The following WDR33 variants were observed in gnomAD, a reference collection of about 807,000 sequenced individuals.
The protein encoded by WDR33 is WD repeat domain 33.
Under a neutral mutation model 164.9 loss-of-function variants are expected in WDR33, and 47 were observed. The ratio of observed to expected loss-of-function variants is 0.29; its 90% CI spans 0.23 to 0.36. The LOEUF is 0.36. WDR33 is among the 10% of genes least tolerant of loss of function. The pLI, the probability that WDR33 is intolerant of heterozygous loss-of-function variation, is 1.00. For missense variants in WDR33, 1,137 were observed against 1,754.1 expected (o/e 0.65, Z 6.28); for synonymous variants, 505 against 589.0 (o/e 0.86, Z 2.06).
In WDR33 at chr2:127,716,087, A is replaced by G. The variant is rs1686294484; in HGVS notation, c.2869+1068T>C. On this transcript the variant is annotated intron_variant, in intron 17 of 21. Coordinates refer to ENST00000322313, the MANE Select transcript of WDR33 (RefSeq NM_018383.5). The surrounding 1 kb of genome is among the most constrained non-coding windows in gnomAD (Gnocchi z 4.5). The stretch of plus-strand genomic sequence containing the variant: ...TAAAAGACTCTCCTTTTGTTTCTCT[A>G]GTTCGCTGTGGGCCACGTTCCTTCT... Among the ~76,000 whole-genome samples, 2 of 152,176 alleles carry G rather than the reference A, an allele frequency of 1.3e-5. No individual in the cohort carries two copies. Among genetic ancestry groups the G allele is most frequent in the Admixed American group, 6.5e-5 (1 of 15,274 alleles).
chr2:127,740,159 A>G (rs1686970617), intron 7 of WDR33, among the ~76,000 whole-genome samples: 1 of 152,200 alleles, frequency 6.6e-6, no homozygotes, highest in Non-Finnish European at 1.5e-5. Flanking sequence ...AACACTGAGA[A>G]GATGATACCA....
At chr2:127,731,033 C>G (rs962786762) in intron 7 of WDR33, among the ~76,000 whole-genome samples, 1 of 151,820 alleles carries the variant, frequency 6.6e-6, no homozygotes, top group African/African-American at 2.4e-5. Context: ...GTGGCGCATG[C>G]CTGTAATCCC....
chr2:127,709,517 C>G lies in WDR33; in HGVS notation c.3538G>C (p.Asp1180His). 6.2e-7 allele frequency: 1 copy of G among 1,614,152 alleles called. No individual in the cohort carries two copies. The highest frequency in any genetic ancestry group is 1.1e-5 in the South Asian group (1 of 91,088). ...GGCTCTCTGTTTCCATCCCAGGAATCTGGCTTCCGCCCTCCTTCAAAGCGA... is the reference window on the plus strand; with the variant it reads ...GGCTCTCTGTTTCCATCCCAGGAATGTGGCTTCCGCCCTCCTTCAAAGCGA... ...FPRFEGGRKP[D>H]SWDGNREPGP... is the part of the protein sequence containing the mutation. The change falls in exon 20 of 22, where the codon GAT (aspartate) becomes CAT (histidine). Residue 1180 changes from aspartate (D) to histidine (H), a missense_variant. Around this residue, in one of 9 missense-constraint regions of WDR33, gnomAD observed 867 missense variants for 1,073.0 expected, o/e 0.81. Transcript: ENST00000322313. The surrounding 1 kb of genome is among the most constrained non-coding windows in gnomAD (Gnocchi z 5.0).
intron 7 of WDR33, among the ~76,000 whole-genome samples, chr2:127,753,196 G>C (rs1687422715): frequency 6.6e-6 from 1 of 152,128 alleles, no homozygotes; most frequent in Non-Finnish European, 1.5e-5. Context: ...CAAAGTGCTG[G>C]GATTACAGGC....
At position 127,722,782 on chromosome 2, in the gene WDR33, C is replaced by T. The variant is rs760085604; in HGVS notation, c.1379-52G>A. ...CCTCTTAAATAAAAGAAATTGGCCA[C>T]TTGATCAATGAACACATTATTGGAA... On this transcript the variant is annotated intron_variant, in intron 13 of 21. Coordinates refer to ENST00000322313, the MANE Select transcript of WDR33 (RefSeq NM_018383.5). The surrounding 1 kb of genome is among the most constrained non-coding windows in gnomAD (Gnocchi z 5.1). The T allele has an allele frequency of 6.3e-6, 10 of 1,584,414 alleles. No homozygotes were observed. The highest frequency in any genetic ancestry group is 2.2e-5 in the East Asian group (1 of 44,612).
chr2:127,788,005 G>A (rs1315572454), intron 1 of WDR33, among the ~76,000 whole-genome samples: 1 of 77,386 alleles, frequency 1.3e-5, no homozygotes, highest in Non-Finnish European at 2.4e-5. Context: ...CGGGTTGGCT[G>A]GCCGGGCGGG....
intron 7 of WDR33, among the ~76,000 whole-genome samples, chr2:127,749,859 G>A (rs920798643): frequency 1.8e-4 from 26 of 147,246 alleles, no homozygotes; most frequent in African/African-American, 5.5e-4. Flanking sequence ...TTTTTGAGAC[G>A]GAGTCTCACT....
chr2:127,736,705 C>A (rs530831304), intron 7 of WDR33: 98 of 985,264 alleles, frequency 9.9e-5, no homozygotes, highest in Non-Finnish European at 1.1e-4. Flanking sequence ...CGTGTAACTT[C>A]TTAAGTACTT....
Position 127,719,984 on chromosome 2 carries a change from G to A in WDR33, c.2041C>T (p.Pro681Ser), listed in dbSNP as rs1368875700. ...MHGPQGMQRH[P>S]GPHGPLGPQG... ...GGTCCCAAAGGGCCATGAGGTCCAG[G>A]ATGCCTCTGCATTCCTTGGGGCCCA... The change falls in exon 16 of 22, where the codon CCT becomes TCT. Residue 681 changes from proline (P) to serine (S), a missense_variant. Physicochemically the swap from Pro to Ser is moderately conservative, Grantham distance 74. Transcript: ENST00000322313. The surrounding 1 kb of genome is among the most constrained non-coding windows in gnomAD (Gnocchi z 6.5). The A allele has an allele frequency of 1.2e-6, 2 of 1,613,906 alleles. No individual in the cohort carries two copies. The highest frequency in any genetic ancestry group is 1.7e-6 in the Non-Finnish European group (2 of 1,179,966).
intron 7 of WDR33, among the ~76,000 whole-genome samples, chr2:127,761,259 G>C (rs1277857964): frequency 2.0e-5 from 3 of 151,690 alleles, no homozygotes; most frequent in African/African-American, 7.3e-5. Flanking sequence ...GAAGTGCAGT[G>C]GTGCAAACTC....
intron 1 of WDR33, among the ~76,000 whole-genome samples, chr2:127,788,291 G>T (rs1249573482): frequency 7.7e-6 from 1 of 129,326 alleles, no homozygotes; most frequent in Non-Finnish European, 1.7e-5. Context: ...CGGCCGGGCG[G>T]GGGGCTGACC....
chr2:127,743,438 T>A (rs1337368552), intron 7 of WDR33, among the ~76,000 whole-genome samples: 1 of 152,184 alleles, frequency 6.6e-6, no homozygotes, highest in Non-Finnish European at 1.5e-5. Flanking sequence ...CACAAGATTA[T>A]CACTCTTTCT....
In WDR33 at chr2:127,702,289, G is replaced by C; in HGVS notation, c.*4034C>G. ...TGCGGAAGCCCGTGGCGAAGGCCCT[G>C]CCCTAACAGCCTGCGAGTCTAATCC... is the stretch of plus-strand genomic sequence containing the variant. On this transcript the variant is annotated 3_prime_UTR_variant, in exon 22 of 22. Transcript: ENST00000322313. 1 of 1,041,098 alleles carries C rather than the reference G, an allele frequency of 9.6e-7. No homozygotes were observed. Among genetic ancestry groups the C allele is most frequent in the Non-Finnish European group, 1.2e-6 (1 of 827,270 alleles). 64.5% of individuals were successfully genotyped at this position (1,041,098 alleles called of 1,614,324 possible).
chr2:127,775,106 T>C (rs1451299822), intron 1 of WDR33, among the ~76,000 whole-genome samples: 1 of 152,202 alleles, frequency 6.6e-6, no homozygotes, highest in Non-Finnish European at 1.5e-5. Flanking sequence ...CACTGAATTA[T>C]ACACTTTAAA....
At chr2:127,765,790 T>C (rs17600038) in intron 4 of WDR33, among the ~76,000 whole-genome samples, 19,934 of 147,154 alleles carry the variant, frequency 0.14, 1,437 homozygotes, top group South Asian at 0.25. Context: ...CAGCTAAACA[T>C]ATTTAAAAAA....
chr2:127,713,438 G>A lies in WDR33; in HGVS notation c.3308+145C>T, dbSNP rs544147632. ...GTTAAAAAGCACACTTTTTTTAAAC[G>A]TCCAAATGCAAACTCTACAGAGTGC... On this transcript the variant is annotated intron_variant, in intron 18 of 21. Coordinates refer to ENST00000322313, the MANE Select transcript of WDR33 (RefSeq NM_018383.5). The surrounding 1 kb of genome is among the most constrained non-coding windows in gnomAD (Gnocchi z 6.2). The A allele has an allele frequency of 6.8e-5, 63 of 925,016 alleles. No individual in the cohort carries two copies. The South Asian group carries it at 7.8e-4, about 11-fold the overall frequency. The allele number at this position is 925,016 out of a possible 1,614,324, so 57.3% of individuals were successfully genotyped here. A position where few individuals can be genotyped will look rare whatever the true frequency, so the allele number is the denominator to read the frequency against.
Position 127,718,209 on chromosome 2 carries a change from C to T in WDR33, c.2761-946G>A, listed in dbSNP as rs548515365. 1.2e-4 allele frequency among the ~76,000 whole-genome samples: 19 copies of T among 152,140 alleles called. No individual in the cohort carries two copies. The East Asian group carries it at 3.5e-3, about 28-fold the overall frequency. ...AGCTTAGTAGTTGAGTTCAGGAAACCCAATGGTCATCTTTACATTAGGGAT... is the reference window on the plus strand; with the variant it reads ...AGCTTAGTAGTTGAGTTCAGGAAACTCAATGGTCATCTTTACATTAGGGAT... On this transcript the variant is annotated intron_variant, in intron 16 of 21. Transcript: ENST00000322313. The surrounding 1 kb of genome is among the most constrained non-coding windows in gnomAD (Gnocchi z 4.4).
intron 2 of WDR33, 37 bp from the exon 3 acceptor site, chr2:127,769,038 T>C: frequency 2.4e-6 from 3 of 1,235,598 alleles, no homozygotes; most frequent in Non-Finnish European, 3.2e-6. Flanking sequence ...AATAAATAAA[T>C]AGATCAATTA....
At chr2:127,802,364 C>T (rs145837280) in intron 1 of WDR33, among the ~76,000 whole-genome samples, 45 of 152,220 alleles carry the variant, frequency 3.0e-4, no homozygotes, top group African/African-American at 1.0e-3. Flanking sequence ...TTTCTTCAGC[C>T]TCCGTCTCCT....
Sources: gnomAD v4.1 joint callset for allele counts (sites outside exome capture counted in the v4.1 genomes callset) on GRCh38, gnomAD v4.1.1 for gene constraint, gnomAD v4.1.1 regional missense constraint, Gnocchi (gnomAD v3.1) non-coding constraint, MANE v1.5 for transcripts, NCBI Gene and HGNC (gene_info 2026-07-23, HGNC 2026-07-21) for gene names.